Variants in IMPG1 observed in about 807,000 individuals in gnomAD.
IMPG1 encodes interphotoreceptor matrix proteoglycan 1, also known as interphotoreceptor matrix proteoglycan of 150 kDa.
Under a neutral mutation model 92.0 loss-of-function variants are expected in IMPG1, and 85 were observed. The ratio of observed to expected loss-of-function variants is 0.92; its 90% confidence interval spans 0.78 to 1.11. IMPG1 has a LOEUF of 1.11. Ranked by LOEUF, IMPG1 falls within the 50% of genes least tolerant of loss-of-function variation. The probability of loss-of-function intolerance (pLI) is 0.00; values close to 1 mark genes in which losing one functional copy is unlikely to be tolerated. For missense variants in IMPG1, 1,022 were observed against 956.0 expected, an observed-to-expected ratio of 1.07 and a Z score of -0.91; for synonymous variants, 367 against 334.1, an observed-to-expected ratio of 1.10 and a Z score of -1.08.
At chr6:75,970,351 C>A (rs1782389809) in intron 12 of IMPG1, among the ~76,000 whole-genome samples, 1 of 151,120 alleles carries the variant, frequency 6.6e-6, no homozygotes, top group Non-Finnish European at 1.5e-5. Context: ...TTTTAATATG[C>A]TGCATTTCCC....
At chr6:76,018,095 A>G (rs757290844) in intron 7 of IMPG1, among the ~76,000 whole-genome samples, 3 of 152,196 alleles carry the variant, frequency 2.0e-5, no homozygotes, top group African/African-American at 4.8e-5. Context: ...GTCCCTTTTT[A>G]TCCTTGGTGG....
At chr6:75,927,498 C>T (rs981366790) in intron 15 of IMPG1, among the ~76,000 whole-genome samples, 2 of 152,052 alleles carry the variant, frequency 1.3e-5, no homozygotes, top group Non-Finnish European at 2.9e-5. Context: ...AAGCAGGTCA[C>T]GGAGATGCAC....
At chr6:75,965,898 C>T (rs552660217) in intron 12 of IMPG1, among the ~76,000 whole-genome samples, 32 of 152,264 alleles carry the variant, frequency 2.1e-4, no homozygotes, top group Admixed American at 7.2e-4. Context: ...TGAGCCACCA[C>T]GCCCAGCCAC....
Position 76,042,079 on chromosome 6 carries a change from G to T in IMPG1, c.115C>A (p.Pro39Thr). ...YHSETKDIDN[P>T]PRNETTESTE... Reference sequence around the variant, plus strand: ...CTTTCAGTTGTTTCATTTCTTGGGGGATTGTCTATGTCTTTAGTTTCAGAA... The same window carrying T: ...CTTTCAGTTGTTTCATTTCTTGGGGTATTGTCTATGTCTTTAGTTTCAGAA... The change falls in exon 2 of 17, where the codon CCC becomes ACC. Residue 39 changes from proline (P) to threonine (T), a missense_variant. Transcript: ENST00000369950. 6.2e-7 allele frequency: 1 copy of T among 1,606,632 alleles called. No homozygotes were observed. Among genetic ancestry groups the T allele is most frequent in the Non-Finnish European group, 8.5e-7 (1 of 1,173,286 alleles).
At position 75,989,714 on chromosome 6, in the gene IMPG1, G is replaced by A. The variant is rs553391400; in HGVS notation, c.1291+13204C>T. Among the ~76,000 whole-genome samples, 8 of 152,234 alleles carry A rather than the reference G, an allele frequency of 5.3e-5. No homozygotes were observed. In the South Asian group the frequency reaches 1.7e-3, roughly 32 times the overall value. ...AAAAATGAGCTGGGTGTGGTGGCGT[G>A]TGCCTGTAATCCCAGCTACTAAGGA... On this transcript the variant is annotated intron_variant, in intron 12 of 16. Coordinates refer to ENST00000369950, the MANE Select transcript of IMPG1 (RefSeq NM_001563.4).
chr6:75,996,434 C>G (rs765254243), intron 12 of IMPG1, among the ~76,000 whole-genome samples: 3 of 152,106 alleles, frequency 2.0e-5, no homozygotes, highest in Non-Finnish European at 2.9e-5. Flanking sequence ...CTACAACCAC[C>G]GTTAACTGCT....
intron 12 of IMPG1, among the ~76,000 whole-genome samples, chr6:75,984,155 C>T (rs1204944457): frequency 1.3e-5 from 2 of 152,150 alleles, no homozygotes; most frequent in Non-Finnish European, 2.9e-5. Flanking sequence ...TAAAGCAGTA[C>T]AGAAGTTCCA....
chr6:75,954,651 C>CG lies in IMPG1; in HGVS notation c.1292-3558dup, dbSNP rs1316457780. The stretch of plus-strand genomic sequence containing the variant: ...CATTTGTCAATTTTGGCTTTTGTTG[C>CG]GATTGCTTTGGGTGAATTAGTCACG... On this transcript the variant is annotated intron_variant, in intron 12 of 16. Coordinates refer to ENST00000369950, the MANE Select transcript of IMPG1 (RefSeq NM_001563.4). Among the ~76,000 whole-genome samples the CG allele has an allele frequency of 2.0e-5, 3 of 152,236 alleles. No homozygotes were observed. In the East Asian group the frequency reaches 5.8e-4, roughly 29 times the overall value.
chr6:75,950,056 C>T (rs1010698979), intron 13 of IMPG1, among the ~76,000 whole-genome samples: 1 of 152,092 alleles, frequency 6.6e-6, no homozygotes, highest in Non-Finnish European at 1.5e-5. Flanking sequence ...TATCTTTTCA[C>T]TTTCTTTGTT....
At chr6:75,984,888 C>G (rs1438852902) in intron 12 of IMPG1, among the ~76,000 whole-genome samples, 2 of 152,132 alleles carry the variant, frequency 1.3e-5, no homozygotes, top group Non-Finnish European at 2.9e-5. Flanking sequence ...ATGCTTGCTC[C>G]CACCTCATCT....
chr6:76,040,523 G>A (rs919263189), intron 2 of IMPG1, among the ~76,000 whole-genome samples: 2 of 152,052 alleles, frequency 1.3e-5, no homozygotes, highest in African/African-American at 4.8e-5. Flanking sequence ...TTTCCCAATG[G>A]GCTCTTTGCA....
At chr6:75,942,217 T>A (rs1031263895) in intron 14 of IMPG1, among the ~76,000 whole-genome samples, 1 of 152,224 alleles carries the variant, frequency 6.6e-6, no homozygotes, top group Non-Finnish European at 1.5e-5. Context: ...ATTCTTGATA[T>A]ACAGAATTTC....
intron 2 of IMPG1, among the ~76,000 whole-genome samples, chr6:76,036,255 TA>T (rs1424948043): frequency 6.6e-6 from 1 of 152,242 alleles, no homozygotes; most frequent in African/African-American, 2.4e-5. Context: ...ACTAATTGTA[TA>T]TGAACAATTA....
chr6:76,070,971 A>T (rs1055224251), intron 1 of IMPG1, among the ~76,000 whole-genome samples: 4 of 151,468 alleles, frequency 2.6e-5, no homozygotes, highest in Non-Finnish European at 1.5e-5. Context: ...ATCTATATTT[A>T]AAAAAAACAA....
intron 12 of IMPG1, among the ~76,000 whole-genome samples, chr6:75,963,744 G>A (rs184630396): frequency 1.3e-5 from 2 of 152,292 alleles, no homozygotes; most frequent in East Asian, 3.9e-4. Flanking sequence ...CTCAGTGGTA[G>A]CCTTGAAAAT....
intron 12 of IMPG1, among the ~76,000 whole-genome samples, chr6:75,988,081 T>C (rs780601783): frequency 6.6e-6 from 1 of 152,210 alleles, no homozygotes; most frequent in Non-Finnish European, 1.5e-5. Flanking sequence ...ACGATAAACA[T>C]ATGTGTGCAT....
At chr6:76,058,512 G>A (rs1784155946) in intron 1 of IMPG1, among the ~76,000 whole-genome samples, 1 of 152,144 alleles carries the variant, frequency 6.6e-6, no homozygotes, top group Non-Finnish European at 1.5e-5. Context: ...AACCATAAAA[G>A]GGAGTAATAT....
At chr6:75,948,471 C>T (rs1383155823) in intron 13 of IMPG1, among the ~76,000 whole-genome samples, 1 of 152,152 alleles carries the variant, frequency 6.6e-6, no homozygotes, top group African/African-American at 2.4e-5. Context: ...GCCCCTGTCC[C>T]CACCCCACCA....
intron 2 of IMPG1, among the ~76,000 whole-genome samples, chr6:76,037,185 A>G (rs1266068041): frequency 6.6e-6 from 1 of 152,192 alleles, no homozygotes; most frequent in East Asian, 1.9e-4. Flanking sequence ...TCTTATGCCT[A>G]TATGTTATTC....
Sources: gnomAD v4.1 joint callset for allele counts (sites outside exome capture counted in the v4.1 genomes callset) on GRCh38, gnomAD v4.1.1 for gene constraint, MANE v1.5 for transcripts, NCBI Gene and HGNC (gene_info 2026-07-23, HGNC 2026-07-21) for gene names.